Variants in SELENOS observed in about 807,000 individuals in gnomAD.
SELENOS encodes VCP interacting membrane selenoprotein.
In SELENOS, 37 loss-of-function variants were observed where a neutral mutation model predicts 30.2. The ratio of observed to expected loss-of-function variants is 1.23; its 90% confidence interval spans 0.94 to 1.61. The LOEUF (loss-of-function observed/expected upper bound fraction) is 1.61. SELENOS is among the 40% of genes most tolerant of loss of function. The probability of loss-of-function intolerance (pLI) is 0.00; values close to 1 mark genes in which losing one functional copy is unlikely to be tolerated. For missense variants in SELENOS, 289 were observed against 231.8 expected (o/e 1.25, Z -1.60); for synonymous variants, 119 against 91.6 (o/e 1.30, Z -1.71).
At chr15:101,277,229 C>T in intron 1 of SELENOS, 113 bp downstream of exon 1, 2 of 1,499,170 alleles carry the variant, frequency 1.3e-6, no homozygotes, top group East Asian at 2.5e-5. Flanking sequence ...AACGCCCGAC[C>T]GTTCCCAGGC....
Position 101,277,426 on chromosome 15 carries a change from C to G in SELENOS, c.-9G>C, listed in dbSNP as rs1373283622. ...TCCTCTTGGCGTTCCATGACCGCCG[C>G]CGCCGCCGCCGCCCAGCCCTGCCGC... On this transcript the variant is annotated 5_prime_UTR_variant, in exon 1 of 6. Coordinates refer to ENST00000526049, the MANE Select transcript of SELENOS (RefSeq NM_018445.6). The G allele has an allele frequency of 1.4e-6, 2 of 1,464,410 alleles. No individual in the cohort carries two copies. Among genetic ancestry groups the G allele is most frequent in the Admixed American group, 5.0e-5 (2 of 39,652 alleles). The allele number at this position is 1,464,410 out of a possible 1,614,324, so 90.7% of individuals were successfully genotyped here. A position where few individuals can be genotyped will look rare whatever the true frequency, so the allele number is the denominator to read the frequency against.
intron 3 of SELENOS, 53 bp downstream of exon 3, chr15:101,275,202 A>T: frequency 6.8e-7 from 1 of 1,465,572 alleles, no homozygotes. Context: ...ATCGTTAGCC[A>T]CTAAACCTCA....
rs535507663 is a variant in SELENOS, at chr15:101,277,105, T to G, written c.76+237A>C. On this transcript the variant is annotated intron_variant, in intron 1 of 5. Transcript: ENST00000526049. ...AGTAACTACCACAGGAAGGGCTTGGTTCGCAAAAAAGACTTGCGCAAACAA... is the reference window on the plus strand; with the variant it reads ...AGTAACTACCACAGGAAGGGCTTGGGTCGCAAAAAAGACTTGCGCAAACAA... 56 of 761,102 alleles carry G rather than the reference T, an allele frequency of 7.4e-5. 1 individual carries two copies. In the Admixed American group the frequency reaches 1.0e-3, roughly 14 times the overall value. The allele number at this position is 761,102 out of a possible 1,614,324, so 47.1% of individuals were successfully genotyped here.
intron 1 of SELENOS, chr15:101,277,114 A>G (rs1197079256): frequency 1.3e-6 from 1 of 794,912 alleles, no homozygotes; most frequent in Non-Finnish European, 2.1e-6. Flanking sequence ...GTTCGCAAAA[A>G]AGACTTGCGC....
intron 5 of SELENOS, among the ~76,000 whole-genome samples, chr15:101,273,255 G>GAC (rs2039289615): frequency 6.6e-6 from 1 of 152,108 alleles, no homozygotes. Context: ...AGTCAAACTT[G>GAC]TCACTTCTAC....
At chr15:101,277,240 C>T (rs2039338795) in intron 1 of SELENOS, 102 bp downstream of exon 1, 3 of 1,513,542 alleles carry the variant, frequency 2.0e-6, no homozygotes, top group South Asian at 2.4e-5. Context: ...GTTCCCAGGC[C>T]TCCCAGGCTC....
At position 101,274,793 on chromosome 15, in the gene SELENOS, C is replaced by G. The variant is rs543291962; in HGVS notation, c.319-112G>C. The G allele has an allele frequency of 2.6e-6, 3 of 1,133,740 alleles. No homozygotes were observed. The Admixed American group carries it at 8.2e-5, about 31-fold the overall frequency. 70.2% of individuals were successfully genotyped at this position (1,133,740 alleles called of 1,614,324 possible). On this transcript the variant is annotated intron_variant, in intron 3 of 5. Coordinates refer to ENST00000526049, the MANE Select transcript of SELENOS (RefSeq NM_018445.6). The stretch of plus-strand genomic sequence containing the variant: ...AATGTCTTTCAGAACAAACTTCACC[C>G]TCGTTTTCTTTAGTTAATAAAACTG...
At chr15:101,277,140 G>T in intron 1 of SELENOS, 1 of 904,924 alleles carries the variant, frequency 1.1e-6, no homozygotes, top group Non-Finnish European at 1.7e-6. Context: ...AGGGACAGCC[G>T]AGCCGCCCAG....
chr15:101,277,182 A>G, intron 1 of SELENOS, 160 bp downstream of exon 1: 1 of 1,248,226 alleles, frequency 8.0e-7, no homozygotes, highest in Non-Finnish European at 1.1e-6. Context: ...CCTCCGCGCA[A>G]GGTCCGGGCC....
intron 5 of SELENOS, among the ~76,000 whole-genome samples, chr15:101,273,709 C>T (rs552046027): frequency 1.3e-5 from 2 of 152,330 alleles, no homozygotes; most frequent in East Asian, 3.9e-4. Flanking sequence ...GATTACAGCT[C>T]AGCGTTTAAG....
At chr15:101,275,113 T>C (rs1033124951) in intron 3 of SELENOS, 142 bp downstream of exon 3, 11 of 659,682 alleles carry the variant, frequency 1.7e-5, no homozygotes, top group African/African-American at 9.2e-5. Context: ...AATACTTACA[T>C]GGTAGGAACT....
intron 2 of SELENOS, among the ~76,000 whole-genome samples, chr15:101,275,866 C>T (rs570167651): frequency 6.6e-6 from 1 of 150,652 alleles, no homozygotes; most frequent in East Asian, 1.9e-4. Flanking sequence ...CTATTCATAA[C>T]GTCTACTCAT....
At position 101,275,488 on chromosome 15, in the gene SELENOS, A is replaced by G. The variant is rs2306534; in HGVS notation, c.212-127T>C. On this transcript the variant is annotated intron_variant, in intron 2 of 5. Coordinates refer to ENST00000526049, the MANE Select transcript of SELENOS (RefSeq NM_018445.6). The stretch of plus-strand genomic sequence containing the variant: ...AGACAATGAAACAACATATTTTTAC[A>G]TAAGTACTCCTAACCCCTCTGCATA... 4.1e-3 allele frequency: 3,250 copies of G among 790,024 alleles called. 129 individuals are homozygous for G. In the East Asian group the frequency reaches 0.078, roughly 19 times the overall value. 48.9% of individuals were successfully genotyped at this position (790,024 alleles called of 1,614,324 possible).
chr15:101,274,974 C>T (rs1041005469), intron 3 of SELENOS: 6 of 571,082 alleles, frequency 1.1e-5, no homozygotes, highest in African/African-American at 1.9e-5. Flanking sequence ...AAGACACAGG[C>T]ACATGCACAC....
At chr15:101,276,881 A>C in intron 1 of SELENOS, 7 of 589,014 alleles carry the variant, frequency 1.2e-5, no homozygotes, top group East Asian at 3.1e-5. Context: ...CTTCCCAACC[A>C]TCTGGGGAGT....
chr15:101,276,490 T>C lies in SELENOS; in HGVS notation c.211+51A>G, dbSNP rs2039328286. On this transcript the variant is annotated intron_variant, in intron 2 of 5. Transcript: ENST00000526049. Reference sequence around the variant, plus strand: ...CTTTTACTAAGAGACTAACTCTTAATATAAAGGAGGTGCAAAACCACCGCT... The same window carrying C: ...CTTTTACTAAGAGACTAACTCTTAACATAAAGGAGGTGCAAAACCACCGCT... 1.8e-5 allele frequency: 28 copies of C among 1,543,416 alleles called. No homozygotes were observed. The East Asian group carries it at 6.4e-4, about 35-fold the overall frequency.
intron 2 of SELENOS, among the ~76,000 whole-genome samples, 151 bp from the exon 3 acceptor site, chr15:101,275,512 T>A (rs2039316135): frequency 6.7e-6 from 1 of 149,986 alleles, no homozygotes; most frequent in Non-Finnish European, 1.5e-5. Flanking sequence ...CCCCTCTGCA[T>A]ACATTTTACT....
rs116042612 is a variant in SELENOS, at chr15:101,274,640, G to C, written c.360C>G (p.Asp120Glu). Residue 120 changes from aspartate (D) to glutamate (E), a missense_variant, in exon 4 of 6, where the codon GAC becomes GAG. Asp to Glu is a conservative substitution (Grantham distance 45). Coordinates refer to ENST00000526049, the MANE Select transcript of SELENOS (RefSeq NM_018445.6). ...TGTAACTTTTTCCTTCTTGCATGCT[G>C]TCCCACATTTCAATCTTCTGTCTCC... is the stretch of plus-strand genomic sequence containing the variant. Reference protein sequence around the residue: ...EKRRQKIEMWDSMQEGKSYKG... With the variant: ...EKRRQKIEMWESMQEGKSYKG... 6.2e-7 allele frequency: 1 copy of C among 1,613,508 alleles called. No homozygotes were observed. The highest frequency in any genetic ancestry group is 1.3e-5 in the African/African-American group (1 of 74,996).
rs1286581950 is a variant in SELENOS at position 101,272,643 on chromosome 15, G to C, written c.*128C>G. The C allele has an allele frequency of 1.1e-6, 1 of 909,732 alleles. No homozygotes were observed. Among genetic ancestry groups the C allele is most frequent in the Admixed American group, 2.2e-5 (1 of 46,464 alleles). The allele number at this position is 909,732 out of a possible 1,614,324, so 56.4% of individuals were successfully genotyped here. Reference sequence around the variant, plus strand: ...CTGACTGGAGCCCTGACATATGCAGGTGTAGTTAGGAACAGAAATCAACCC... The same window carrying C: ...CTGACTGGAGCCCTGACATATGCAGCTGTAGTTAGGAACAGAAATCAACCC... On this transcript the variant is annotated 3_prime_UTR_variant, in exon 6 of 6. Transcript: ENST00000526049.
Sources: allele counts gnomAD v4.1 joint callset (sites outside exome capture counted in the v4.1 genomes callset), GRCh38; gene constraint gnomAD v4.1.1; transcripts MANE v1.5; gene names NCBI Gene and HGNC (gene_info 2026-07-23, HGNC 2026-07-21).